WWOX: variants seen among roughly 807,000 people sequenced by gnomAD.
The protein encoded by WWOX is WW domain-containing oxidoreductase.
In WWOX, 69 loss-of-function variants were observed where a neutral mutation model predicts 46.2. The ratio of observed to expected loss-of-function variants is 1.49; its 90% CI spans 1.23 to 1.82. The LOEUF (loss-of-function observed/expected upper bound fraction) is 1.82, where lower values mean the gene tolerates loss of function less well. Among genes scored for constraint, WWOX ranks in the 40% most tolerant of loss-of-function variants. The probability of loss-of-function intolerance (pLI) is 0.00; values close to 1 mark genes in which losing one functional copy is unlikely to be tolerated. For missense variants in WWOX, 919 were observed against 542.6 expected, an observed-to-expected ratio of 1.69 and a Z score of -6.89; for synonymous variants, 359 against 202.6, an observed-to-expected ratio of 1.77 and a Z score of -6.56.
intron 8 of WWOX, among the ~76,000 whole-genome samples, chr16:78,965,652 G>A (rs8052893): frequency 0.43 from 64,593 of 151,622 alleles, 14,384 homozygotes; most frequent in Non-Finnish European, 0.46. Context: ...TAGCATCTCT[G>A]GCATAAACTA....
intron 2 of WWOX, 72 bp from the exon 3 acceptor site, chr16:78,109,706 C>T: frequency 6.4e-7 from 1 of 1,555,630 alleles, no homozygotes. Context: ...GGGAGGGCTC[C>T]TTCCCTTCCT....
chr16:78,346,050 C>T (rs1172974764), intron 5 of WWOX, among the ~76,000 whole-genome samples: 2 of 121,302 alleles, frequency 1.6e-5, no homozygotes, highest in African/African-American at 5.6e-5. Context: ...GCCTCAGCTC[C>T]AGGAAAACCC....
intron 8 of WWOX, among the ~76,000 whole-genome samples, chr16:79,001,014 G>C (rs768771404): frequency 6.6e-6 from 1 of 152,210 alleles, no homozygotes. Flanking sequence ...AGCTCAGCGA[G>C]TATTTGCAGA....
intron 7 of WWOX, among the ~76,000 whole-genome samples, chr16:78,426,555 G>C (rs1338777268): frequency 1.3e-5 from 2 of 152,196 alleles, no homozygotes; most frequent in Non-Finnish European, 2.9e-5. Flanking sequence ...TTAGACCTAT[G>C]TTAGTTTATA....
Position 78,670,210 on chromosome 16 carries a change from G to T in WWOX, c.1056+237458G>T, listed in dbSNP as rs369777307. 3.3e-5 allele frequency among the ~76,000 whole-genome samples: 5 copies of T among 152,154 alleles called. No homozygotes were observed. In the East Asian group the frequency reaches 5.8e-4, roughly 18 times the overall value. ...GCAGGTCCAGCTCTAACCACAGCTG[G>T]AGTTTAGGAAGGCCAGGCAGCGTGT... is the stretch of plus-strand genomic sequence containing the variant. On this transcript the variant is annotated intron_variant, in intron 8 of 8. Coordinates refer to ENST00000566780, the MANE Select transcript of WWOX (RefSeq NM_016373.4).
intron 5 of WWOX, among the ~76,000 whole-genome samples, chr16:78,307,540 A>G (rs145795125): frequency 6.6e-6 from 1 of 152,346 alleles, no homozygotes; most frequent in Non-Finnish European, 1.5e-5. Context: ...GAGGTGAGAA[A>G]TGGATTATCA....
At chr16:78,611,887 T>A (rs1378366984) in intron 8 of WWOX, among the ~76,000 whole-genome samples, 1 of 152,126 alleles carries the variant, frequency 6.6e-6, no homozygotes, top group East Asian at 1.9e-4. Flanking sequence ...CTTCTCTCAT[T>A]CCATTGGCTG....
At chr16:78,409,740 G>A (rs369307016) in intron 6 of WWOX, among the ~76,000 whole-genome samples, 1 of 152,138 alleles carries the variant, frequency 6.6e-6, no homozygotes, top group Non-Finnish European at 1.5e-5. Flanking sequence ...GCTTTCTAGA[G>A]ACTCCAGGGA....
intron 8 of WWOX, among the ~76,000 whole-genome samples, chr16:78,831,156 C>T (rs1261593166): frequency 1.3e-5 from 2 of 152,166 alleles, no homozygotes; most frequent in Non-Finnish European, 2.9e-5. Context: ...GAGAACCACT[C>T]AGAATTTGGG....
At chr16:78,334,811 C>CGT (rs1567508348) in intron 5 of WWOX, among the ~76,000 whole-genome samples, 250 of 79,032 alleles carry the variant, frequency 3.2e-3, no homozygotes, top group South Asian at 5.8e-3. Flanking sequence ...CACACACGCA[C>CGT]ACACACACAC....
chr16:78,945,195 AAAAG>A (rs765712819), intron 8 of WWOX, among the ~76,000 whole-genome samples: 23 of 152,154 alleles, frequency 1.5e-4, no homozygotes, highest in Non-Finnish European at 2.9e-4. Context: ...AAGAAAAAGA[AAAAG>A]AAAGAAAAAG....
chr16:78,201,408 C>T (rs558931783), intron 5 of WWOX, among the ~76,000 whole-genome samples: 1 of 152,142 alleles, frequency 6.6e-6, no homozygotes, highest in African/African-American at 2.4e-5. Context: ...TATTCTAAGA[C>T]TGTATTCTAA....
chr16:78,721,848 G>C (rs1007765441), intron 8 of WWOX, among the ~76,000 whole-genome samples: 1 of 152,226 alleles, frequency 6.6e-6, no homozygotes, highest in African/African-American at 2.4e-5. Flanking sequence ...TCCATATGAA[G>C]AGGTTGGCAG....
At chr16:79,049,137 C>A (rs961537824) in intron 8 of WWOX, among the ~76,000 whole-genome samples, 1 of 152,208 alleles carries the variant, frequency 6.6e-6, no homozygotes, top group Non-Finnish European at 1.5e-5. Flanking sequence ...ATATTTTAGA[C>A]TTTGTGACCC....
chr16:78,685,392 A>G (rs1429252345), intron 8 of WWOX, among the ~76,000 whole-genome samples: 1 of 152,152 alleles, frequency 6.6e-6, no homozygotes, highest in Non-Finnish European at 1.5e-5. Context: ...ATAAGGCCAT[A>G]AAGAGCTAAG....
At chr16:78,301,321 A>G (rs1018845897) in intron 5 of WWOX, among the ~76,000 whole-genome samples, 4 of 152,210 alleles carry the variant, frequency 2.6e-5, no homozygotes, top group African/African-American at 9.6e-5. Context: ...TGTTTATTAA[A>G]GAGTTTTTTT....
At chr16:78,748,803 G>A (rs960571113) in intron 8 of WWOX, among the ~76,000 whole-genome samples, 1 of 152,202 alleles carries the variant, frequency 6.6e-6, no homozygotes, top group East Asian at 1.9e-4. Context: ...CCTCTGACAC[G>A]GCAAACACAG....
intron 5 of WWOX, among the ~76,000 whole-genome samples, chr16:78,364,660 T>C (rs12920053): frequency 0.57 from 87,112 of 151,752 alleles, 26,890 homozygotes; most frequent in Non-Finnish European, 0.71. Context: ...TGGGTGCTCT[T>C]TCTCTATAAT....
intron 8 of WWOX, among the ~76,000 whole-genome samples, chr16:79,070,154 A>T (rs1353706573): frequency 6.6e-6 from 1 of 152,212 alleles, no homozygotes; most frequent in African/African-American, 2.4e-5. Flanking sequence ...CCTAATACCA[A>T]GGCAATGCAG....
Sources: allele counts gnomAD v4.1 joint callset (sites outside exome capture counted in the v4.1 genomes callset), GRCh38; gene constraint gnomAD v4.1.1; transcripts MANE v1.5; gene names NCBI Gene and HGNC (gene_info 2026-07-23, HGNC 2026-07-21).